The following ADGRL2 variants were observed in gnomAD, a reference collection of about 807,000 sequenced individuals.
The protein encoded by ADGRL2 is calcium-independent alpha-latrotoxin receptor 2.
In ADGRL2, 44 loss-of-function variants were observed where a neutral mutation model predicts 157.4. That is an observed-to-expected ratio of 0.28 (90% CI 0.22 to 0.36). The LOEUF (loss-of-function observed/expected upper bound fraction) is 0.36, where lower values mean the gene tolerates loss of function less well. Ranked by LOEUF, ADGRL2 falls within the 10% of genes least tolerant of loss-of-function variation. ADGRL2 has a pLI of 1.00. For missense variants in ADGRL2, 1,510 were observed against 1,768.9 expected, an observed-to-expected ratio of 0.85 and a Z score of 2.63; for synonymous variants, 585 against 624.7, an observed-to-expected ratio of 0.94 and a Z score of 0.95.
chr1:81,451,557 AT>A (rs2101741281), intron 2 of ADGRL2, among the ~76,000 whole-genome samples: 1 of 152,218 alleles, frequency 6.6e-6, no homozygotes, highest in African/African-American at 2.4e-5. Flanking sequence ...GCCTTAATAC[AT>A]TTTTATCCTG....
At chr1:81,918,939 T>A (rs1214870152) in intron 3 of ADGRL2, among the ~76,000 whole-genome samples, 1 of 152,164 alleles carries the variant, frequency 6.6e-6, no homozygotes, top group Non-Finnish European at 1.5e-5. Context: ...TATATGTAAT[T>A]TTTCTATTTT....
At chr1:81,974,966 G>A (rs1389989594) in intron 17 of ADGRL2, among the ~76,000 whole-genome samples, 3 of 151,774 alleles carry the variant, frequency 2.0e-5, no homozygotes, top group Non-Finnish European at 2.9e-5. Context: ...AAAAAAAAAT[G>A]TCCCAGTTTG....
At chr1:81,862,565 A>G (rs2093421426) in intron 2 of ADGRL2, among the ~76,000 whole-genome samples, 1 of 152,186 alleles carries the variant, frequency 6.6e-6, no homozygotes, top group South Asian at 2.1e-4. Flanking sequence ...CTTTGTCACT[A>G]TATATGAATG....
chr1:81,458,975 G>A (rs774499391), intron 2 of ADGRL2, among the ~76,000 whole-genome samples: 3 of 152,096 alleles, frequency 2.0e-5, no homozygotes, highest in Non-Finnish European at 2.9e-5. Context: ...TAATTTTATC[G>A]AGTGACAGAA....
At chr1:81,337,217 G>C (rs1661707695) in intron 1 of ADGRL2, among the ~76,000 whole-genome samples, 1 of 152,134 alleles carries the variant, frequency 6.6e-6, no homozygotes, top group African/African-American at 2.4e-5. Flanking sequence ...CTTCCTAGAT[G>C]CCGAACAAGA....
chr1:81,480,539 G>A (rs998298853), intron 2 of ADGRL2, among the ~76,000 whole-genome samples: 4 of 151,312 alleles, frequency 2.6e-5, no homozygotes, highest in East Asian at 1.9e-4. Context: ...TTCTTTCTCT[G>A]TATAAGAAAG....
chr1:81,367,699 T>G (rs1186613950), intron 1 of ADGRL2, among the ~76,000 whole-genome samples: 1 of 152,120 alleles, frequency 6.6e-6, no homozygotes, highest in East Asian at 1.9e-4. Flanking sequence ...ATTACAGGCA[T>G]GTGCCACCAC....
intron 1 of ADGRL2, among the ~76,000 whole-genome samples, chr1:81,801,411 GTCTC>G (rs140144868): frequency 6.6e-6 from 1 of 151,792 alleles, no homozygotes; most frequent in African/African-American, 2.4e-5. Flanking sequence ...GCATTCCCCC[GTCTC>G]TCTCTCTCTC....
At chr1:81,381,024 A>G (rs922496863) in intron 1 of ADGRL2, among the ~76,000 whole-genome samples, 2 of 152,060 alleles carry the variant, frequency 1.3e-5, no homozygotes, top group Admixed American at 6.6e-5. Context: ...ATAAAATTTT[A>G]AATTTTCTTT....
At chr1:81,481,125 T>C (rs2078377489) in intron 2 of ADGRL2, among the ~76,000 whole-genome samples, 1 of 152,326 alleles carries the variant, frequency 6.6e-6, no homozygotes, top group East Asian at 1.9e-4. Flanking sequence ...CATCAGTGTC[T>C]AGTAACAATC....
intron 2 of ADGRL2, among the ~76,000 whole-genome samples, chr1:81,490,021 A>AAAGT (rs57326876): frequency 1.9e-5 from 1 of 51,864 alleles, no homozygotes; most frequent in Non-Finnish European, 3.2e-5. Flanking sequence ...ATGAAGAAAT[A>AAAGT]TCTCAATAAA....
chr1:81,863,783 G>A (rs980436060), intron 2 of ADGRL2, among the ~76,000 whole-genome samples: 7 of 152,122 alleles, frequency 4.6e-5, no homozygotes, highest in Admixed American at 2.0e-4. Context: ...ATATTTAGCT[G>A]CAGAAAGAGA....
chr1:81,818,218 C>G (rs1169535699), intron 1 of ADGRL2, among the ~76,000 whole-genome samples: 1 of 152,044 alleles, frequency 6.6e-6, no homozygotes, highest in South Asian at 2.1e-4. Context: ...TCATATTAAA[C>G]TTTCAAAAAT....
intron 3 of ADGRL2, among the ~76,000 whole-genome samples, chr1:81,581,868 A>ATG (rs2080917390): frequency 2.8e-5 from 2 of 72,044 alleles, no homozygotes; most frequent in African/African-American, 1.1e-4. Context: ...CACCACACAC[A>ATG]TGCGCGCACA....
chr1:81,989,761 C>G, intron 23 of ADGRL2: 2 of 1,596,952 alleles, frequency 1.3e-6, no homozygotes, highest in Non-Finnish European at 1.7e-6. Context: ...GCTTGTGGGC[C>G]CCTGGTCCAG....
At chr1:81,422,612 G>T (rs1368691703) in intron 1 of ADGRL2, among the ~76,000 whole-genome samples, 3 of 152,152 alleles carry the variant, frequency 2.0e-5, no homozygotes, top group Admixed American at 2.0e-4. Flanking sequence ...AAAACTATAT[G>T]CACAAAGTCA....
intron 1 of ADGRL2, among the ~76,000 whole-genome samples, chr1:81,729,559 A>G (rs1449044912): frequency 6.6e-6 from 1 of 152,148 alleles, no homozygotes; most frequent in Non-Finnish European, 1.5e-5. Flanking sequence ...TGATTTAATG[A>G]TGTACATATT....
rs1302131744 is a variant in ADGRL2, at chr1:81,583,240, T to A, written c.-143+2260T>A. ...GCAATAAATTGGAATATTAACTTGA[T>A]ATGTAGAAGTAACAATATTTCTACT... On this transcript the variant is annotated intron_variant, in intron 3 of 24. Coordinates refer to the ADGRL2 transcript ENST00000370721. 4.6e-5 allele frequency among the ~76,000 whole-genome samples: 7 copies of A among 152,334 alleles called. No homozygotes were observed. The East Asian group carries it at 1.3e-3, about 29-fold the overall frequency.
At chr1:81,391,785 T>C (rs568464067) in intron 1 of ADGRL2, among the ~76,000 whole-genome samples, 1 of 152,298 alleles carries the variant, frequency 6.6e-6, no homozygotes, top group Non-Finnish European at 1.5e-5. Context: ...CTGGCTTTTT[T>C]TTCTGGAAAT....
Sources: allele counts gnomAD v4.1 joint callset (sites outside exome capture counted in the v4.1 genomes callset), GRCh38; gene constraint gnomAD v4.1.1; transcripts MANE v1.5; gene names NCBI Gene and HGNC (gene_info 2026-07-23, HGNC 2026-07-21).